CAPZA1: variants seen among roughly 807,000 people sequenced by gnomAD.
CAPZA1 encodes the protein capping actin protein of muscle Z-line subunit alpha 1.
CAPZA1 carries 10 observed loss-of-function variants against 40.8 expected under a neutral mutation model. The ratio of observed to expected loss-of-function variants is 0.25; its 90% CI spans 0.15 to 0.42. CAPZA1 has a LOEUF of 0.42. Among genes scored for constraint, CAPZA1 ranks in the 10% least tolerant of loss-of-function variants. The probability of loss-of-function intolerance (pLI) is 1.00; values close to 1 mark genes in which losing one functional copy is unlikely to be tolerated. For missense variants in CAPZA1, 277 were observed against 353.8 expected, an observed-to-expected ratio of 0.78 and a Z score of 1.74; for synonymous variants, 98 against 115.0, an observed-to-expected ratio of 0.85 and a Z score of 0.95.
intron 1 of CAPZA1, among the ~76,000 whole-genome samples, chr1:112,640,792 G>A (rs574461870): frequency 7.2e-5 from 11 of 152,252 alleles, no homozygotes; most frequent in Non-Finnish European, 7.3e-5. Flanking sequence ...GGAGAAAGGT[G>A]GGGAAATGAT....
At chr1:112,668,111 C>A (rs543010585) in intron 8 of CAPZA1, among the ~76,000 whole-genome samples, 3 of 151,808 alleles carry the variant, frequency 2.0e-5, no homozygotes, top group South Asian at 2.1e-4. Flanking sequence ...ACGGTGAAAC[C>A]CTGTCTCTAC....
chr1:112,635,413 C>T (rs898552866), intron 1 of CAPZA1, among the ~76,000 whole-genome samples: 1 of 152,182 alleles, frequency 6.6e-6, no homozygotes, highest in Non-Finnish European at 1.5e-5. Context: ...CTGACCAGGC[C>T]TTTGCTGATA....
chr1:112,637,355 G>T (rs980066498), intron 1 of CAPZA1, among the ~76,000 whole-genome samples: 4 of 152,252 alleles, frequency 2.6e-5, no homozygotes, highest in African/African-American at 9.6e-5. Flanking sequence ...ATACTGCAGT[G>T]AACAAACATA....
At chr1:112,627,435 A>G (rs1346298792) in intron 1 of CAPZA1, among the ~76,000 whole-genome samples, 1 of 151,862 alleles carries the variant, frequency 6.6e-6, no homozygotes, top group Non-Finnish European at 1.5e-5. Context: ...ACTTGAACCC[A>G]GGAGTTCAAG....
Position 112,669,534 on chromosome 1 carries a change from C to T in CAPZA1, c.658-9C>T. On this transcript the variant is annotated splice_polypyrimidine_tract_variant and intron_variant, in intron 8 of 9. Coordinates refer to ENST00000263168, the MANE Select transcript of CAPZA1 (RefSeq NM_006135.3). ...AATCTGATTTTCCCCTTCTTCCTTC[C>T]TTCATTAGAATGAAGCCCAAACTGC... 6.2e-7 allele frequency: 1 copy of T among 1,601,118 alleles called. No homozygotes were observed. Among genetic ancestry groups the T allele is most frequent in the Non-Finnish European group, 8.6e-7 (1 of 1,169,206 alleles).
At chr1:112,660,338 T>C (rs932734522) in intron 7 of CAPZA1, among the ~76,000 whole-genome samples, 1 of 152,186 alleles carries the variant, frequency 6.6e-6, no homozygotes, top group East Asian at 1.9e-4. Context: ...GGAGGTGCAA[T>C]GGCATGATCT....
chr1:112,635,731 A>C (rs984206758), intron 1 of CAPZA1, among the ~76,000 whole-genome samples: 5 of 152,040 alleles, frequency 3.3e-5, no homozygotes, highest in African/African-American at 1.2e-4. Flanking sequence ...CCAAGGAAAT[A>C]ATTTTAAAAG....
At position 112,623,446 on chromosome 1, in the gene CAPZA1, C is replaced by T. The variant is rs1421003117; in HGVS notation, c.39+3563C>T. 3.3e-5 allele frequency among the ~76,000 whole-genome samples: 5 copies of T among 152,092 alleles called. No individual in the cohort carries two copies. In the East Asian group the frequency reaches 5.8e-4, roughly 18 times the overall value. ...CTGTGACCCCAACACTCTGGGAGGC[C>T]GAGGCAGGTGCATCATCTGAGGTCG... On this transcript the variant is annotated intron_variant, in intron 1 of 9. Coordinates refer to ENST00000263168, the MANE Select transcript of CAPZA1 (RefSeq NM_006135.3).
Position 112,670,314 on chromosome 1 carries a change from G to T in CAPZA1, c.*182G>T. The stretch of plus-strand genomic sequence containing the variant: ...TTGTCTTGATTCTTTTGTGTTCTCT[G>T]CCTTGTAATTTTCTGTTACTGCTAT... On this transcript the variant is annotated 3_prime_UTR_variant, in exon 10 of 10. Transcript: ENST00000263168. The T allele has an allele frequency of 2.0e-6, 1 of 500,710 alleles. No homozygotes were observed. The highest frequency in any genetic ancestry group is 3.4e-6 in the Non-Finnish European group (1 of 292,538). The allele number at this position is 500,710 out of a possible 1,614,324, so 31.0% of individuals were successfully genotyped here.
intron 1 of CAPZA1, among the ~76,000 whole-genome samples, chr1:112,637,023 A>T (rs1048210497): frequency 2.0e-5 from 3 of 152,248 alleles, no homozygotes; most frequent in African/African-American, 7.2e-5. Flanking sequence ...ACAGTCTAAA[A>T]GGACAGTCAA....
chr1:112,641,513 T>C (rs1372343547), intron 1 of CAPZA1, among the ~76,000 whole-genome samples: 1 of 152,156 alleles, frequency 6.6e-6, no homozygotes, highest in African/African-American at 2.4e-5. Flanking sequence ...GGAGCACTTC[T>C]CAAACTTTTT....
At chr1:112,651,248 T>C (rs922570662) in intron 3 of CAPZA1, among the ~76,000 whole-genome samples, 3 of 152,190 alleles carry the variant, frequency 2.0e-5, no homozygotes, top group African/African-American at 7.2e-5. Context: ...TTGTAAGTTA[T>C]GTTAAAGAGT....
intron 3 of CAPZA1, among the ~76,000 whole-genome samples, chr1:112,651,626 G>T (rs982774295): frequency 6.6e-6 from 1 of 152,166 alleles, no homozygotes; most frequent in African/African-American, 2.4e-5. Flanking sequence ...TAAAGGTAAG[G>T]ACATTTTGGT....
chr1:112,639,245 C>T (rs958865918), intron 1 of CAPZA1, among the ~76,000 whole-genome samples: 1 of 152,042 alleles, frequency 6.6e-6, no homozygotes, highest in African/African-American at 2.4e-5. Flanking sequence ...GTATTTCACC[C>T]TTGCCATTGC....
chr1:112,652,063 G>T (rs1671399859), intron 3 of CAPZA1, among the ~76,000 whole-genome samples: 1 of 152,084 alleles, frequency 6.6e-6, no homozygotes, highest in African/African-American at 2.4e-5. Flanking sequence ...AGAGGTTGCG[G>T]TAAGCCAAGA....
chr1:112,620,153 T>G, intron 1 of CAPZA1: 1 of 378,318 alleles, frequency 2.6e-6, no homozygotes, highest in Non-Finnish European at 4.8e-6. Flanking sequence ...GTTTCCTTTA[T>G]TGGATCGTGA....
At chr1:112,630,468 C>G (rs1054878629) in intron 1 of CAPZA1, among the ~76,000 whole-genome samples, 1 of 152,048 alleles carries the variant, frequency 6.6e-6, no homozygotes, top group Non-Finnish European at 1.5e-5. Flanking sequence ...CTCAGCCTCC[C>G]GAGTAGCTGG....
chr1:112,630,137 G>T (rs1054764224), intron 1 of CAPZA1, among the ~76,000 whole-genome samples: 4 of 151,746 alleles, frequency 2.6e-5, no homozygotes, highest in Non-Finnish European at 5.9e-5. Context: ...CTGCCTCCTG[G>T]GCTCAAGTGA....
At chr1:112,627,094 C>T (rs778340937) in intron 1 of CAPZA1, among the ~76,000 whole-genome samples, 4 of 152,206 alleles carry the variant, frequency 2.6e-5, no homozygotes, top group Non-Finnish European at 4.4e-5. Flanking sequence ...AACTGAGGCA[C>T]AGGCACATTT....
Sources: gnomAD v4.1 joint callset for allele counts (sites outside exome capture counted in the v4.1 genomes callset) on GRCh38, gnomAD v4.1.1 for gene constraint, MANE v1.5 for transcripts, NCBI Gene and HGNC (gene_info 2026-07-23, HGNC 2026-07-21) for gene names.